Variants in DOCK10 observed in about 807,000 individuals in gnomAD.
The protein encoded by DOCK10 is dedicator of cytokinesis protein 10.
DOCK10 carries 145 observed loss-of-function variants against 280.1 expected under a neutral mutation model. That is an observed-to-expected ratio of 0.52 (90% CI 0.45 to 0.59). The LOEUF is 0.59. Ranked by LOEUF, DOCK10 falls within the 20% of genes least tolerant of loss-of-function variation. The pLI is 0.00. For synonymous variants in DOCK10, 915 were observed against 942.2 expected, an observed-to-expected ratio of 0.97 and a Z score of 0.53; for missense variants, 2,368 against 2,651.7, an observed-to-expected ratio of 0.89 and a Z score of 2.35.
At chr2:224,771,342 T>A (rs7604021) in intron 53 of DOCK10, among the ~76,000 whole-genome samples, 51,450 of 152,174 alleles carry the variant, frequency 0.34, 9,654 homozygotes, top group Middle Eastern at 0.45. Flanking sequence ...ATGTTTGAAG[T>A]GCTAGTTTTT....
intron 2 of DOCK10, among the ~76,000 whole-genome samples, chr2:224,921,110 A>ATATATATATAT (rs1185460802): frequency 1.4e-4 from 10 of 69,614 alleles, no homozygotes; most frequent in African/African-American, 1.1e-3. Context: ...AAAAAAAAAA[A>ATATATATATAT]AAATATATAT....
chr2:224,995,002 G>A (rs898199860), intron 1 of DOCK10, among the ~76,000 whole-genome samples: 6 of 152,182 alleles, frequency 3.9e-5, no homozygotes, highest in African/African-American at 1.4e-4. Context: ...TCTGAAGGCT[G>A]CAGGTGCCCT....
intron 4 of DOCK10, among the ~76,000 whole-genome samples, chr2:224,889,496 G>T (rs1420276269): frequency 1.3e-5 from 2 of 152,202 alleles, no homozygotes; most frequent in African/African-American, 2.4e-5. Context: ...TTAGAAGCCT[G>T]CATTTAGGAA....
chr2:224,982,213 G>A, intron 1 of DOCK10: 1 of 1,231,750 alleles, frequency 8.1e-7, no homozygotes, highest in Non-Finnish European at 1.0e-6. Context: ...ATACCATTAT[G>A]ATGAGGGTTC....
chr2:224,893,779 T>A (rs1217047999), intron 4 of DOCK10: 1 of 321,664 alleles, frequency 3.1e-6, no homozygotes, highest in Non-Finnish European at 5.9e-6. Flanking sequence ...CAGCAACTCA[T>A]AAAAAGAAAT....
At chr2:224,855,686 A>G (rs1697079585) in intron 15 of DOCK10, among the ~76,000 whole-genome samples, 2 of 152,176 alleles carry the variant, frequency 1.3e-5, no homozygotes, top group South Asian at 4.1e-4. Context: ...CCTTTAGAGT[A>G]AAGTGGAAGC....
chr2:224,862,791 T>C, intron 13 of DOCK10, 45 bp from the exon 14 acceptor site: 1 of 1,156,340 alleles, frequency 8.6e-7, no homozygotes, highest in African/African-American at 1.6e-5. Context: ...TAGCACTTTA[T>C]AAACTGTACA....
chr2:224,878,970 G>C (rs147879582), intron 7 of DOCK10, among the ~76,000 whole-genome samples: 2 of 152,302 alleles, frequency 1.3e-5, no homozygotes, highest in East Asian at 3.9e-4. Flanking sequence ...TTGCAGAATA[G>C]GAATGACAGG....
chr2:224,994,732 CACTT>C (rs1706221342), intron 1 of DOCK10, among the ~76,000 whole-genome samples: 1 of 152,170 alleles, frequency 6.6e-6, no homozygotes, highest in Non-Finnish European at 1.5e-5. Context: ...TTCTTCTACT[CACTT>C]TATGTAGCTC....
At chr2:224,962,602 T>A (rs1704512270) in intron 1 of DOCK10, among the ~76,000 whole-genome samples, 1 of 152,234 alleles carries the variant, frequency 6.6e-6, no homozygotes, top group African/African-American at 2.4e-5. Context: ...ACATTCCGCT[T>A]GTACTGTTTT....
chr2:224,783,108 C>T (rs1691470520), intron 50 of DOCK10, among the ~76,000 whole-genome samples: 1 of 152,146 alleles, frequency 6.6e-6, no homozygotes, highest in African/African-American at 2.4e-5. Context: ...TGAATCTCAT[C>T]TGAGCAATGA....
chr2:224,827,357 T>A (rs1694938949), intron 27 of DOCK10, among the ~76,000 whole-genome samples: 1 of 151,906 alleles, frequency 6.6e-6, no homozygotes, highest in East Asian at 1.9e-4. Flanking sequence ...GCAGGGCTCC[T>A]GAAAGAAAAC....
intron 4 of DOCK10, among the ~76,000 whole-genome samples, chr2:224,892,911 C>G (rs77499624): frequency 6.6e-6 from 1 of 152,198 alleles, no homozygotes; most frequent in South Asian, 2.1e-4. Flanking sequence ...GCAATGACTT[C>G]TCTCTTTTAA....
In DOCK10 at chr2:224,797,979, C is replaced by A. The variant is rs1363045310; in HGVS notation, c.4507-10G>T. The A allele has an allele frequency of 3.1e-6, 5 of 1,612,064 alleles. No homozygotes were observed. The South Asian group carries it at 5.5e-5, about 18-fold the overall frequency. ...ATTGTTGGAGTTGTCTCTGGAAATT[C>A]AATGCAGATGTTATTCAGGATAAGT... On this transcript the variant is annotated splice_polypyrimidine_tract_variant and intron_variant, in intron 41 of 55. Coordinates refer to ENST00000258390, the MANE Select transcript of DOCK10 (RefSeq NM_014689.3).
chr2:224,825,879 T>A (rs947094143), intron 27 of DOCK10, among the ~76,000 whole-genome samples: 1 of 152,184 alleles, frequency 6.6e-6, no homozygotes, highest in Admixed American at 6.5e-5. Context: ...GAATCTGAGC[T>A]ACAGCATGGC....
intron 11 of DOCK10, among the ~76,000 whole-genome samples, chr2:224,869,884 A>G (rs1698160188): frequency 6.6e-6 from 1 of 152,336 alleles, no homozygotes; most frequent in South Asian, 2.1e-4. Context: ...TTTGATTTTC[A>G]GTTTCTAAAT....
chr2:224,859,954 G>C (rs1697391241), intron 14 of DOCK10, among the ~76,000 whole-genome samples: 1 of 152,180 alleles, frequency 6.6e-6, no homozygotes, highest in Admixed American at 6.5e-5. Context: ...AATCCAAGTG[G>C]TCTGACATGG....
At chr2:224,905,363 T>A (rs982805487) in intron 3 of DOCK10, among the ~76,000 whole-genome samples, 44 of 149,324 alleles carry the variant, frequency 2.9e-4, no homozygotes, top group African/African-American at 1.1e-3. Context: ...TTCTCCTGCC[T>A]CAGCCTCCTG....
chr2:224,976,988 G>T (rs1184575961), intron 1 of DOCK10, among the ~76,000 whole-genome samples: 1 of 152,184 alleles, frequency 6.6e-6, no homozygotes, highest in Non-Finnish European at 1.5e-5. Flanking sequence ...CCAACAGAGA[G>T]GACTTGTCAG....
Sources: allele counts gnomAD v4.1 joint callset (sites outside exome capture counted in the v4.1 genomes callset), GRCh38; gene constraint gnomAD v4.1.1; transcripts MANE v1.5; gene names NCBI Gene and HGNC (gene_info 2026-07-23, HGNC 2026-07-21).